NELL1: variants seen among roughly 807,000 people sequenced by gnomAD.
The protein encoded by NELL1 is neural EGFL like 1.
A neutral mutation model predicts 107.4 loss-of-function variants in NELL1; 76 were observed. The observed-to-expected ratio is 0.71, with a 90% CI of 0.59 to 0.86. The LOEUF is 0.86. NELL1 is among the 40% of genes least tolerant of loss of function. NELL1 has a pLI of 0.00. For missense variants in NELL1, 1,024 were observed against 1,005.5 expected, an observed-to-expected ratio of 1.02 and a Z score of -0.25; for synonymous variants, 353 against 341.2, an observed-to-expected ratio of 1.03 and a Z score of -0.38.
chr11:21,095,371 G>T (rs112594813), intron 12 of NELL1, among the ~76,000 whole-genome samples: 23,190 of 152,028 alleles, frequency 0.15, 2,134 homozygotes, highest in Middle Eastern at 0.27. Context: ...CCTGCAAATT[G>T]TTCCACCCTC....
intron 9 of NELL1, among the ~76,000 whole-genome samples, chr11:20,932,987 A>G (rs140204016): frequency 1.1e-3 from 173 of 152,370 alleles, no homozygotes; most frequent in African/African-American, 4.0e-3. Context: ...GAGTTTTCCA[A>G]GTGTACAAAG....
chr11:21,459,529 G>A (rs117504580), intron 15 of NELL1, among the ~76,000 whole-genome samples: 3 of 152,112 alleles, frequency 2.0e-5, no homozygotes, highest in East Asian at 3.9e-4. Context: ...CAGGGGCATA[G>A]TGAGAAGGAC....
chr11:20,769,762 G>A (rs1476241861), intron 2 of NELL1, among the ~76,000 whole-genome samples: 2 of 152,098 alleles, frequency 1.3e-5, no homozygotes, highest in Non-Finnish European at 2.9e-5. Flanking sequence ...TGTCCCCACG[G>A]AGCCCCCCAC....
At chr11:21,228,303 T>C (rs1049791116) in intron 13 of NELL1, among the ~76,000 whole-genome samples, 1 of 152,198 alleles carries the variant, frequency 6.6e-6, no homozygotes, top group African/African-American at 2.4e-5. Context: ...TTTTCATCTG[T>C]TTTCTAGGGT....
chr11:20,759,205 C>T (rs1425882120), intron 2 of NELL1, among the ~76,000 whole-genome samples: 1 of 152,194 alleles, frequency 6.6e-6, no homozygotes, highest in Non-Finnish European at 1.5e-5. Flanking sequence ...CATTAACCTG[C>T]CTCCCTTTAT....
intron 2 of NELL1, among the ~76,000 whole-genome samples, chr11:20,726,017 T>C (rs1328429218): frequency 6.6e-6 from 1 of 152,264 alleles, no homozygotes; most frequent in Non-Finnish European, 1.5e-5. Flanking sequence ...TGTTCCTTTG[T>C]TAATACATGT....
intron 13 of NELL1, among the ~76,000 whole-genome samples, chr11:21,114,036 C>T (rs943680651): frequency 3.3e-5 from 5 of 151,884 alleles, no homozygotes; most frequent in African/African-American, 9.7e-5. Context: ...CAATTATTTT[C>T]GTTGCATCAT....
chr11:21,237,388 T>C (rs1202858015), intron 14 of NELL1, among the ~76,000 whole-genome samples: 1 of 152,144 alleles, frequency 6.6e-6, no homozygotes, highest in African/African-American at 2.4e-5. Flanking sequence ...AAAAGGACTC[T>C]AAAACATGGT....
chr11:20,879,306 G>T (rs1013401393), intron 4 of NELL1, among the ~76,000 whole-genome samples: 4 of 152,050 alleles, frequency 2.6e-5, no homozygotes, highest in South Asian at 2.1e-4. Context: ...GGTTCTGAGA[G>T]ACCAGGAAAT....
At chr11:21,235,036 C>G (rs1221840563) in intron 14 of NELL1, among the ~76,000 whole-genome samples, 1 of 152,056 alleles carries the variant, frequency 6.6e-6, no homozygotes, top group Non-Finnish European at 1.5e-5. Context: ...TTTGAAGAAG[C>G]AAGTGGAATA....
At chr11:20,989,339 G>C (rs530567506) in intron 12 of NELL1, among the ~76,000 whole-genome samples, 1 of 152,178 alleles carries the variant, frequency 6.6e-6, no homozygotes, top group South Asian at 2.1e-4. Flanking sequence ...CCCAATTCTG[G>C]GCTGGAAAAT....
intron 2 of NELL1, among the ~76,000 whole-genome samples, chr11:20,749,974 T>C (rs1856096028): frequency 6.6e-6 from 1 of 152,162 alleles, no homozygotes; most frequent in South Asian, 2.1e-4. Context: ...AGGAGTGGAA[T>C]TGCTGGGACA....
At chr11:21,022,234 G>A (rs528007420) in intron 12 of NELL1, among the ~76,000 whole-genome samples, 6 of 152,100 alleles carry the variant, frequency 3.9e-5, no homozygotes, top group East Asian at 1.9e-4. Context: ...GTTCTTTGGC[G>A]TTACCTTTAA....
At chr11:21,062,072 C>T (rs1404113146) in intron 12 of NELL1, among the ~76,000 whole-genome samples, 1 of 152,160 alleles carries the variant, frequency 6.6e-6, no homozygotes, top group Admixed American at 6.5e-5. Flanking sequence ...TAGAACTATG[C>T]ATCCAATATG....
At chr11:21,188,039 A>G (rs1856970660) in intron 13 of NELL1, among the ~76,000 whole-genome samples, 1 of 151,824 alleles carries the variant, frequency 6.6e-6, no homozygotes, top group African/African-American at 2.4e-5. Context: ...CTGAAAGGAG[A>G]GCTCAATATG....
At chr11:20,757,464 A>T (rs4923014) in intron 2 of NELL1, among the ~76,000 whole-genome samples, 88,132 of 151,896 alleles carry the variant, frequency 0.58, 26,669 homozygotes, top group Middle Eastern at 0.75. Context: ...CTTTAGCTGG[A>T]CTCTTATTAT....
rs182905430 is a variant in NELL1 at position 21,282,712 on chromosome 11, T to C, written c.1549+53258T>C. ...AAAGGAAATCAGTGCATAGAAAATA[T>C]ATGTGTACTCTCATGTTTGTCTCAG... On this transcript the variant is annotated intron_variant, in intron 14 of 19. Transcript: ENST00000357134. 8.5e-4 allele frequency among the ~76,000 whole-genome samples: 129 copies of C among 152,230 alleles called. 1 individual carries two copies. The highest frequency in any genetic ancestry group is 8.3e-3 in the Admixed American group (127 of 15,288).
rs1170079309 is a variant in NELL1 at position 20,669,863 on chromosome 11, CT to C, written c.55+88del. 8.6e-7 allele frequency: 1 copy of C among 1,156,606 alleles called. No homozygotes were observed. The highest frequency in any genetic ancestry group is 1.5e-5 in the African/African-American group (1 of 66,020). The allele number at this position is 1,156,606 out of a possible 1,614,324, so 71.6% of individuals were successfully genotyped here. A position where few individuals can be genotyped will look rare whatever the true frequency, so the allele number is the denominator to read the frequency against. On this transcript the variant is annotated intron_variant, in intron 1 of 19. Transcript: ENST00000357134. The surrounding 1 kb of genome is among the most constrained non-coding windows in gnomAD (Gnocchi z 4.4). Reference sequence around the variant, plus strand: ...CGGCGTGGGGAGACCTGGAGCCGAGCTTTGCGCTGGTCTGGGGAACGGCGGT... The same window carrying C: ...CGGCGTGGGGAGACCTGGAGCCGAGCTTGCGCTGGTCTGGGGAACGGCGGT...
chr11:21,452,382 T>G (rs1853610103), intron 15 of NELL1, among the ~76,000 whole-genome samples: 1 of 152,156 alleles, frequency 6.6e-6, no homozygotes, highest in South Asian at 2.1e-4. Flanking sequence ...TGATAAGAAG[T>G]TGAAGTTTTC....
Sources: gnomAD v4.1 joint callset for allele counts (sites outside exome capture counted in the v4.1 genomes callset) on GRCh38, gnomAD v4.1.1 for gene constraint, Gnocchi (gnomAD v3.1) non-coding constraint, MANE v1.5 for transcripts, NCBI Gene and HGNC (gene_info 2026-07-23, HGNC 2026-07-21) for gene names.